The following CDKN2AIPNL variants were observed in gnomAD, a reference collection of about 807,000 sequenced individuals.
CDKN2AIPNL encodes the protein CDKN2AIP N-terminal-like protein.
CDKN2AIPNL carries 9 observed loss-of-function variants against 12.9 expected under a neutral mutation model. That is an observed-to-expected ratio of 0.70 (90% confidence interval 0.42 to 1.22). The LOEUF is 1.22. Among genes scored for constraint, CDKN2AIPNL ranks in the 50% most tolerant of loss-of-function variants. The pLI is 0.00. For missense variants in CDKN2AIPNL, 143 were observed against 153.6 expected, an observed-to-expected ratio of 0.93 and a Z score of 0.37; for synonymous variants, 53 against 61.7, an observed-to-expected ratio of 0.86 and a Z score of 0.66.
chr5:134,402,931 GA>G lies in CDKN2AIPNL; in HGVS notation c.340-6del, dbSNP rs1247179849. ...TCTTCTGGCTTAGCTTTGATGCTGG[GA>G]AAAAAAGAAAAGAAAAGGTTACATA... is the stretch of plus-strand genomic sequence containing the variant. On this transcript the variant is annotated splice_region_variant and splice_polypyrimidine_tract_variant and intron_variant, in intron 2 of 2. Coordinates refer to ENST00000458198, the MANE Select transcript of CDKN2AIPNL (RefSeq NM_080656.3). The G allele has an allele frequency of 1.2e-6, 2 of 1,603,610 alleles. No homozygotes were observed.
At chr5:134,411,541 A>C (rs1759190618) in intron 1 of CDKN2AIPNL, 75 bp downstream of exon 1, 1 of 1,311,868 alleles carries the variant, frequency 7.6e-7, no homozygotes, top group Non-Finnish European at 1.1e-6. Context: ...GGTTCGGGTC[A>C]GGGGTGAGCC....
At chr5:134,408,799 G>A (rs1005111526) in intron 2 of CDKN2AIPNL, among the ~76,000 whole-genome samples, 2 of 152,132 alleles carry the variant, frequency 1.3e-5, no homozygotes, top group South Asian at 2.1e-4. Context: ...ATAGCATCTC[G>A]AAAACCAACC....
chr5:134,407,494 C>T (rs1003804708), intron 2 of CDKN2AIPNL, among the ~76,000 whole-genome samples: 48 of 152,146 alleles, frequency 3.2e-4, no homozygotes, highest in African/African-American at 9.9e-4. Flanking sequence ...GAAAACCTTG[C>T]TGGGCACAGT....
chr5:134,404,246 G>A (rs1283652935), intron 2 of CDKN2AIPNL, among the ~76,000 whole-genome samples: 1 of 152,212 alleles, frequency 6.6e-6, no homozygotes, highest in Non-Finnish European at 1.5e-5. Context: ...AGTGGATAAA[G>A]AGTAAAAGAC....
chr5:134,410,116 C>T (rs1759169296), intron 1 of CDKN2AIPNL, 114 bp from the exon 2 acceptor site: 1 of 678,964 alleles, frequency 1.5e-6, no homozygotes, highest in East Asian at 2.7e-5. Context: ...TGACCTGATA[C>T]TGCAGGGCAA....
At chr5:134,403,785 C>G (rs563465751) in intron 2 of CDKN2AIPNL, among the ~76,000 whole-genome samples, 1 of 152,128 alleles carries the variant, frequency 6.6e-6, no homozygotes, top group African/African-American at 2.4e-5. Context: ...CCACTGCGCC[C>G]GGCTAATTTT....
In CDKN2AIPNL at chr5:134,405,934, A is replaced by C. The variant is rs1036201719; in HGVS notation, c.340-3008T>G. Among the ~76,000 whole-genome samples, 7 of 152,286 alleles carry C rather than the reference A, an allele frequency of 4.6e-5. No individual in the cohort carries two copies. The East Asian group carries it at 1.3e-3, about 29-fold the overall frequency. On this transcript the variant is annotated intron_variant, in intron 2 of 2. Coordinates refer to ENST00000458198, the MANE Select transcript of CDKN2AIPNL (RefSeq NM_080656.3). ...CCTGAGTCAGCTGCTGCTCTTTGTT[A>C]ATTATCGCTCATTAATTGGTAAGGT...
Position 134,409,884 on chromosome 5 carries a change from A to G in CDKN2AIPNL, c.339+19T>C. On this transcript the variant is annotated intron_variant, in intron 2 of 2. Coordinates refer to ENST00000458198, the MANE Select transcript of CDKN2AIPNL (RefSeq NM_080656.3). ...AACTCTACACCATTTCATCACATGC[A>G]CTTGGAAATCCTATTTACCTTTTTC... 6.6e-7 allele frequency: 1 copy of G among 1,508,956 alleles called. No individual in the cohort carries two copies. The allele number at this position is 1,508,956 out of a possible 1,614,324, so 93.5% of individuals were successfully genotyped here.
rs574522451 is a variant in CDKN2AIPNL, at chr5:134,405,412, CTTTTT to C, written c.340-2491_340-2487del. Among the ~76,000 whole-genome samples, 131 of 146,430 alleles carry C rather than the reference CTTTTT, an allele frequency of 8.9e-4. 1 individual carries two copies. The highest frequency in any genetic ancestry group is 2.7e-3 in the African/African-American group (107 of 39,614). ...GAGCCACCGCGCCCAGCCCATTTTT[CTTTTT>C]TTTAATTATTATTTTTTGAGACAGA... On this transcript the variant is annotated intron_variant, in intron 2 of 2. Coordinates refer to ENST00000458198, the MANE Select transcript of CDKN2AIPNL (RefSeq NM_080656.3).
chr5:134,404,496 A>T (rs1256174316), intron 2 of CDKN2AIPNL, among the ~76,000 whole-genome samples: 1 of 151,766 alleles, frequency 6.6e-6, no homozygotes, highest in African/African-American at 2.4e-5. Flanking sequence ...GGTAGTTTTT[A>T]TTTTATTTTT....
intron 2 of CDKN2AIPNL, among the ~76,000 whole-genome samples, chr5:134,409,241 C>A (rs1456027300): frequency 6.6e-6 from 1 of 152,138 alleles, no homozygotes; most frequent in East Asian, 1.9e-4. Flanking sequence ...AGAAGATAAG[C>A]GAGCAATTAA....
In CDKN2AIPNL at chr5:134,411,843, G is replaced by C. The variant is rs952144186; in HGVS notation, c.12C>G (p.Gly4=). The C allele has an allele frequency of 6.4e-7, 1 of 1,566,108 alleles. No homozygotes were observed. The highest frequency in any genetic ancestry group is 1.4e-5 in the African/African-American group (1 of 73,158). Residue 4 remains glycine, a synonymous_variant, in exon 1 of 3, where the codon GGC becomes GGG. Coordinates refer to ENST00000458198, the MANE Select transcript of CDKN2AIPNL (RefSeq NM_080656.3). Reference sequence around the variant, plus strand: ...GCTCCTCCACTGCGGCAGCCGCCTCGCCACCGACCATGGTGCCCGCCGCAG... The same window carrying C: ...GCTCCTCCACTGCGGCAGCCGCCTCCCCACCGACCATGGTGCCCGCCGCAG... MVG[G]EAAAAVEELV...
Position 134,411,764 on chromosome 5 carries a change from A to C in CDKN2AIPNL, c.91T>G (p.Ser31Ala), listed in dbSNP as rs1420109822. Reference protein sequence around the residue: ...ADFAEQFRSYSESEKQWKARM... With the variant: ...ADFAEQFRSYAESEKQWKARM... ...GCCTTCCATTGCTTCTCGCTCTCTG[A>C]GTAGGAGCGGAACTGCTCCGCGAAG... The change falls in exon 1 of 3, where the codon TCA becomes GCA. Residue 31 changes from serine (S) to alanine (A), a missense_variant. Ser to Ala is a moderately conservative substitution (Grantham distance 99). This residue lies in a region of CDKN2AIPNL where 111 missense variants were observed against 111.4 expected (regional missense o/e 1.00). Transcript: ENST00000458198. The C allele has an allele frequency of 1.2e-5, 19 of 1,611,528 alleles. No homozygotes were observed. The highest frequency in any genetic ancestry group is 1.6e-5 in the Non-Finnish European group (19 of 1,179,398).
intron 1 of CDKN2AIPNL, chr5:134,411,169 T>C: frequency 1.4e-6 from 1 of 699,264 alleles, no homozygotes; most frequent in Admixed American, 2.0e-5. Flanking sequence ...AGAAGCTGCA[T>C]GGCCCCAGGT....
chr5:134,409,306 A>T (rs1759155971), intron 2 of CDKN2AIPNL, among the ~76,000 whole-genome samples: 1 of 152,182 alleles, frequency 6.6e-6, no homozygotes, highest in African/African-American at 2.4e-5. Context: ...GGTGATTCTG[A>T]AAAGTATTAA....
In CDKN2AIPNL at chr5:134,411,672, C is replaced by T; in HGVS notation, c.183G>A (p.Leu61=). 4 of 1,613,018 alleles carry T rather than the reference C, an allele frequency of 2.5e-6. No homozygotes were observed. The highest frequency in any genetic ancestry group is 3.4e-6 in the Non-Finnish European group (4 of 1,179,788). ...CCATGGAGAGGGAGAGCAGCTGGTCCAGGCGGCCACTGCCGTCGGGCGGGT... is the reference window on the plus strand; with the variant it reads ...CCATGGAGAGGGAGAGCAGCTGGTCTAGGCGGCCACTGCCGTCGGGCGGGT... ...YRDPPDGSGR[L]DQLLSLSMVW... The change falls in exon 1 of 3, where the codon CTG becomes CTA. Residue 61 remains leucine, a synonymous_variant. Transcript: ENST00000458198.
chr5:134,410,027 A>G, intron 1 of CDKN2AIPNL, 25 bp from the exon 2 acceptor site: 1 of 1,501,310 alleles, frequency 6.7e-7, no homozygotes, highest in Non-Finnish European at 9.2e-7. Flanking sequence ...GTAGTAAGGT[A>G]AAAACCTTGG....
intron 2 of CDKN2AIPNL, among the ~76,000 whole-genome samples, chr5:134,406,314 C>A (rs1398231265): frequency 3.3e-5 from 5 of 152,194 alleles, no homozygotes; most frequent in African/African-American, 1.2e-4. Context: ...CCCAACTAAA[C>A]TCTAATTTTT....
intron 2 of CDKN2AIPNL, among the ~76,000 whole-genome samples, chr5:134,404,110 G>A (rs1013460957): frequency 6.6e-6 from 1 of 152,188 alleles, no homozygotes; most frequent in Non-Finnish European, 1.5e-5. Context: ...TACAGCTGCC[G>A]CCGGTTTGGG....
Sources: gnomAD v4.1 joint callset for allele counts (sites outside exome capture counted in the v4.1 genomes callset) on GRCh38, gnomAD v4.1.1 for gene constraint, gnomAD v4.1.1 regional missense constraint, MANE v1.5 for transcripts, NCBI Gene and HGNC (gene_info 2026-07-23, HGNC 2026-07-21) for gene names.